The following RGS6 variants were observed in gnomAD, a reference collection of about 807,000 sequenced individuals.
RGS6 encodes regulator of G protein signaling 6.
RGS6 carries 30 observed loss-of-function variants against 78.5 expected under a neutral mutation model. That is an observed-to-expected ratio of 0.38 (90% CI 0.29 to 0.52). The LOEUF is 0.52. Ranked by LOEUF, RGS6 falls within the 20% of genes least tolerant of loss-of-function variation. The probability of loss-of-function intolerance (pLI) is 0.85; values close to 1 mark genes in which losing one functional copy is unlikely to be tolerated. For missense variants in RGS6, 495 were observed against 609.7 expected, an observed-to-expected ratio of 0.81 and a Z score of 1.98; for synonymous variants, 206 against 206.0, an observed-to-expected ratio of 1.00 and a Z score of 0.00.
At chr14:72,150,298 G>C (rs1238853706) in intron 2 of RGS6, among the ~76,000 whole-genome samples, 1 of 152,128 alleles carries the variant, frequency 6.6e-6, no homozygotes, top group Non-Finnish European at 1.5e-5. Flanking sequence ...GAAGAGGCAA[G>C]AAAGGATTCT....
chr14:71,928,999 A>G (rs2087761454), upstream of RGS6, among the ~76,000 whole-genome samples: 4 of 152,234 alleles, frequency 2.6e-5, no homozygotes, highest in Admixed American at 2.6e-4. Flanking sequence ...ATTTTGAAAT[A>G]ATGTTATAAT....
At chr14:72,347,819 C>T (rs1356842) in intron 2 of RGS6, among the ~76,000 whole-genome samples, 48,588 of 151,992 alleles carry the variant, frequency 0.32, 8,072 homozygotes, top group South Asian at 0.43. Flanking sequence ...AAAGAGTTAC[C>T]CCTTTTTAAG....
chr14:72,531,421 G>C (rs1026834913), intron 15 of RGS6, among the ~76,000 whole-genome samples: 2 of 118,924 alleles, frequency 1.7e-5, no homozygotes, highest in Non-Finnish European at 3.3e-5. Context: ...GTGACAGCAA[G>C]ACTTTATCTC....
intron 2 of RGS6, among the ~76,000 whole-genome samples, chr14:72,071,498 A>G (rs1045061272): frequency 6.6e-5 from 10 of 152,202 alleles, no homozygotes; most frequent in African/African-American, 2.4e-4. Context: ...AGTAGTTGTA[A>G]CAAATTATGC....
intron 13 of RGS6, among the ~76,000 whole-genome samples, chr14:72,505,175 T>G (rs1258432958): frequency 6.6e-6 from 1 of 152,130 alleles, no homozygotes; most frequent in Non-Finnish European, 1.5e-5. Flanking sequence ...TACAGCAGCT[T>G]CCCACTCACA....
At chr14:72,138,641 T>G (rs2096489369) in intron 2 of RGS6, among the ~76,000 whole-genome samples, 1 of 151,974 alleles carries the variant, frequency 6.6e-6, no homozygotes, top group South Asian at 2.1e-4. Context: ...TAAGCAAAGC[T>G]TCATCTGTAT....
At chr14:72,063,505 A>G (rs938042893) in intron 2 of RGS6, among the ~76,000 whole-genome samples, 3 of 152,206 alleles carry the variant, frequency 2.0e-5, no homozygotes, top group African/African-American at 7.2e-5. Flanking sequence ...AAATAAAGAT[A>G]GGATATACGT....
intron 2 of RGS6, among the ~76,000 whole-genome samples, chr14:72,341,436 C>T (rs2076971023): frequency 6.6e-6 from 1 of 152,148 alleles, no homozygotes; most frequent in South Asian, 2.1e-4. Context: ...CAGGGCCAAA[C>T]CATAGTAACA....
intron 2 of RGS6, among the ~76,000 whole-genome samples, chr14:72,311,032 T>C (rs1213514878): frequency 1.3e-5 from 2 of 152,192 alleles, no homozygotes; most frequent in Admixed American, 1.3e-4. Flanking sequence ...GTTCTTAGAA[T>C]ACAGAAAGGG....
chr14:72,027,866 A>T (rs1357748064), intron 2 of RGS6, among the ~76,000 whole-genome samples: 1 of 152,116 alleles, frequency 6.6e-6, no homozygotes, highest in Non-Finnish European at 1.5e-5. Context: ...GCTTCCTTTT[A>T]TCTCTTTTGC....
the RGS6 span, among the ~76,000 whole-genome samples, chr14:71,873,995 G>A: frequency 2.0e-5 from 3 of 152,196 alleles, no homozygotes; most frequent in East Asian, 1.9e-4. Context: ...TGTTCCATTG[G>A]TCTATATCTC....
At chr14:72,523,814 A>G (rs2097084032) in intron 15 of RGS6, among the ~76,000 whole-genome samples, 1 of 151,990 alleles carries the variant, frequency 6.6e-6, no homozygotes. Flanking sequence ...TGAGGGGAGA[A>G]AAATATATAG....
chr14:71,934,450 C>T (rs903563972), intron 1 of RGS6, among the ~76,000 whole-genome samples: 2 of 152,180 alleles, frequency 1.3e-5, no homozygotes, highest in Non-Finnish European at 2.9e-5. Context: ...CTTAACTTTA[C>T]TTCTGATTTT....
Position 72,492,285 on chromosome 14 carries a change from C to T in RGS6, c.855-2867C>T, listed in dbSNP as rs74569615. On this transcript the variant is annotated intron_variant, in intron 12 of 17. Transcript: ENST00000553525. ...TTAGGTTCCATGAAGAATGGGAAGC[C>T]TTGTAGAAATGTGATTGGACAAAAG... is the stretch of plus-strand genomic sequence containing the variant. 7.2e-5 allele frequency among the ~76,000 whole-genome samples: 11 copies of T among 152,282 alleles called. No individual in the cohort carries two copies. In the East Asian group the frequency reaches 1.9e-3, roughly 27 times the overall value.
At position 72,243,557 on chromosome 14, in the gene RGS6, C is replaced by T. The variant is rs182656810; in HGVS notation, c.85-108538C>T. 1.8e-4 allele frequency among the ~76,000 whole-genome samples: 28 copies of T among 152,280 alleles called. No individual in the cohort carries two copies. The East Asian group carries it at 4.8e-3, about 26-fold the overall frequency. ...GTATTGATTGCCTTCCAACTCTTCCCACAGCCTTTTGCTAGTCTTAAAGGC... is the reference window on the plus strand; with the variant it reads ...GTATTGATTGCCTTCCAACTCTTCCTACAGCCTTTTGCTAGTCTTAAAGGC... On this transcript the variant is annotated intron_variant, in intron 2 of 17. Coordinates refer to ENST00000553525, the MANE Select transcript of RGS6 (RefSeq NM_001204424.2).
chr14:71,949,758 T>C (rs1010465045), intron 1 of RGS6, among the ~76,000 whole-genome samples: 1 of 151,338 alleles, frequency 6.6e-6, no homozygotes, highest in Non-Finnish European at 1.5e-5. Context: ...GAAGCTACTC[T>C]GTTTTAATTT....
chr14:71,868,850 G>A, the RGS6 span, among the ~76,000 whole-genome samples: 2 of 152,270 alleles, frequency 1.3e-5, no homozygotes, highest in South Asian at 4.1e-4. Context: ...ACTCTACTGT[G>A]AGATATTCTA....
intron 3 of RGS6, among the ~76,000 whole-genome samples, chr14:72,440,928 A>T (rs1385644348): frequency 1.3e-5 from 2 of 151,494 alleles, no homozygotes; most frequent in East Asian, 1.9e-4. Flanking sequence ...GGGTGTGAAT[A>T]TGTGTGAGCG....
chr14:72,306,932 C>T (rs1483012701), intron 2 of RGS6, among the ~76,000 whole-genome samples: 2 of 152,154 alleles, frequency 1.3e-5, no homozygotes, highest in African/African-American at 2.4e-5. Context: ...TTTTTGTGTG[C>T]ATGTGGAGGT....
Sources: gnomAD v4.1 joint callset for allele counts (sites outside exome capture counted in the v4.1 genomes callset) on GRCh38, gnomAD v4.1.1 for gene constraint, MANE v1.5 for transcripts, NCBI Gene and HGNC (gene_info 2026-07-23, HGNC 2026-07-21) for gene names.